The following HPSE2 variants were observed in gnomAD, a reference collection of about 807,000 sequenced individuals.
HPSE2 encodes the protein heparanase 2 (inactive).
In HPSE2, 38 loss-of-function variants were observed where a neutral mutation model predicts 60.5. That is an observed-to-expected ratio of 0.63 (90% CI 0.48 to 0.82). The LOEUF (loss-of-function observed/expected upper bound fraction) is 0.82, where lower values mean the gene tolerates loss of function less well. Ranked by LOEUF, HPSE2 falls within the 40% of genes least tolerant of loss-of-function variation. The probability of loss-of-function intolerance (pLI) is 0.00; values close to 1 mark genes in which losing one functional copy is unlikely to be tolerated. For missense variants in HPSE2, 713 were observed against 740.4 expected (o/e 0.96, Z 0.43); for synonymous variants, 295 against 293.2 (o/e 1.01, Z -0.06).
intron 6 of HPSE2, among the ~76,000 whole-genome samples, chr10:98,682,979 T>C (rs1947823900): frequency 1.3e-5 from 2 of 152,176 alleles, no homozygotes; most frequent in African/African-American, 4.8e-5. Flanking sequence ...TGAAAGGCTA[T>C]ATTCTAAGCA....
chr10:98,973,731 GA>G (rs201533433), intron 3 of HPSE2, among the ~76,000 whole-genome samples: 1 of 151,244 alleles, frequency 6.6e-6, no homozygotes, highest in Non-Finnish European at 1.5e-5. Context: ...TTTTGCCAAG[GA>G]AAAAAATAAG....
At chr10:99,305,961 A>ATAAGCGCG in the HPSE2 span, among the ~76,000 whole-genome samples, 77 of 103,050 alleles carry the variant, frequency 7.5e-4, 4 homozygotes, top group East Asian at 1.8e-3. Context: ...ACTCACACAC[A>ATAAGCGCG]CGCGCGCGCG....
chr10:98,772,831 C>CA (rs1950268183), intron 3 of HPSE2, among the ~76,000 whole-genome samples: 1 of 152,002 alleles, frequency 6.6e-6, no homozygotes, highest in South Asian at 2.1e-4. Flanking sequence ...ACATAATTAG[C>CA]AAAAAATGTT....
chr10:98,761,387 T>G (rs1006311684), intron 3 of HPSE2, among the ~76,000 whole-genome samples: 1 of 152,160 alleles, frequency 6.6e-6, no homozygotes, highest in Non-Finnish European at 1.5e-5. Flanking sequence ...TTCATTTACT[T>G]CTGTTCTCGT....
intron 3 of HPSE2, among the ~76,000 whole-genome samples, chr10:98,806,925 C>T (rs573206622): frequency 3.9e-5 from 6 of 152,154 alleles, no homozygotes; most frequent in South Asian, 2.1e-4. Context: ...AGGCGAATCA[C>T]GAGGTCAGGA....
intron 6 of HPSE2, among the ~76,000 whole-genome samples, chr10:98,674,825 G>A (rs1049607196): frequency 3.3e-5 from 5 of 152,100 alleles, no homozygotes; most frequent in East Asian, 1.9e-4. Flanking sequence ...GGGAGGCTGA[G>A]GCAGGAGAAC....
intron 6 of HPSE2, among the ~76,000 whole-genome samples, chr10:98,683,355 T>C (rs560857336): frequency 3.4e-4 from 43 of 127,024 alleles, no homozygotes; most frequent in African/African-American, 1.3e-3. Flanking sequence ...TCAGGGACCA[T>C]GAAAAAAAAA....
chr10:99,028,440 T>C (rs947666960), intron 3 of HPSE2, among the ~76,000 whole-genome samples: 5 of 152,008 alleles, frequency 3.3e-5, no homozygotes, highest in African/African-American at 9.7e-5. Context: ...AAGTGAAAGA[T>C]AAATGTAATA....
intron 9 of HPSE2, among the ~76,000 whole-genome samples, chr10:98,544,462 G>A (rs999567972): frequency 3.9e-5 from 6 of 152,090 alleles, no homozygotes; most frequent in Non-Finnish European, 7.3e-5. Context: ...TGTAATCCCA[G>A]CACTTTGGGA....
chr10:98,725,464 C>G (rs933893586), intron 4 of HPSE2, among the ~76,000 whole-genome samples: 4 of 152,156 alleles, frequency 2.6e-5, no homozygotes, highest in East Asian at 3.8e-4. Context: ...GAATCCCTTC[C>G]TTACACCTTA....
chr10:98,545,955 T>C (rs1943658575), intron 9 of HPSE2, among the ~76,000 whole-genome samples: 1 of 148,560 alleles, frequency 6.7e-6, no homozygotes. Flanking sequence ...TTCAGCAAAG[T>C]CTCAGGATAC....
At chr10:99,087,461 C>CCAGACTAT (rs1843361787) in intron 3 of HPSE2, among the ~76,000 whole-genome samples, 2 of 152,182 alleles carry the variant, frequency 1.3e-5, no homozygotes, top group Admixed American at 6.5e-5. Flanking sequence ...GCATCTAAGG[C>CCAGACTAT]CAGACTATGG....
Position 98,620,709 on chromosome 10 carries a change from C to T in HPSE2, c.1099-1G>A, listed in dbSNP as rs184270108. ...TTCCTGGAGTGTATGTATTAACCAC[C>T]TGTTTACACAACAAAAGCAGAAGGG... On this transcript the variant is annotated splice_acceptor_variant, in intron 7 of 11. Coordinates refer to ENST00000370552, the MANE Select transcript of HPSE2 (RefSeq NM_021828.5). LOFTEE classifies it high-confidence loss of function. The T allele has an allele frequency of 5.1e-5, 82 of 1,605,634 alleles. No individual in the cohort carries two copies. Among genetic ancestry groups the T allele is most frequent in the Non-Finnish European group, 6.8e-5 (80 of 1,172,578 alleles).
At chr10:99,286,436 A>C in the HPSE2 span, among the ~76,000 whole-genome samples, 1 of 152,232 alleles carries the variant, frequency 6.6e-6, no homozygotes, top group African/African-American at 2.4e-5. Context: ...AGCCAGACAT[A>C]AAAGGACAAA....
chr10:99,183,085 T>C (rs527531581), intron 2 of HPSE2, among the ~76,000 whole-genome samples: 2 of 152,268 alleles, frequency 1.3e-5, no homozygotes, highest in South Asian at 4.2e-4. Flanking sequence ...GTGAGCCCTA[T>C]GAGTACCCCC....
rs151096349 is a variant in HPSE2, at chr10:98,833,423, C to T, written c.611-89367G>A. Among the ~76,000 whole-genome samples the T allele has an allele frequency of 2.9e-4, 44 of 152,308 alleles. 2 individuals carry two copies. The East Asian group carries it at 8.5e-3, about 29-fold the overall frequency. ...GAATACCTTTTAAGGAATAACCATG[C>T]TTCAGACTTCTGGACTATATTAGGG... On this transcript the variant is annotated intron_variant, in intron 3 of 11. Coordinates refer to ENST00000370552, the MANE Select transcript of HPSE2 (RefSeq NM_021828.5).
intron 3 of HPSE2, among the ~76,000 whole-genome samples, chr10:99,134,952 G>GTGCT (rs1221528839): frequency 6.6e-6 from 1 of 152,112 alleles, no homozygotes; most frequent in Non-Finnish European, 1.5e-5. Context: ...ATCCATCAGT[G>GTGCT]TGCTGTATTC....
At chr10:98,904,624 G>A (rs778878113) in intron 3 of HPSE2, among the ~76,000 whole-genome samples, 1 of 152,058 alleles carries the variant, frequency 6.6e-6, no homozygotes, top group Admixed American at 6.6e-5. Context: ...ACATACATAG[G>A]GATAAAAACA....
intron 3 of HPSE2, among the ~76,000 whole-genome samples, chr10:99,010,797 CT>C (rs1242526209): frequency 2.0e-5 from 3 of 152,212 alleles, no homozygotes; most frequent in African/African-American, 4.8e-5. Flanking sequence ...ACAAAATTCT[CT>C]TGAGGATGAA....
Sources: allele counts gnomAD v4.1 joint callset (sites outside exome capture counted in the v4.1 genomes callset), GRCh38; gene constraint gnomAD v4.1.1; transcripts MANE v1.5; gene names NCBI Gene and HGNC (gene_info 2026-07-23, HGNC 2026-07-21).